VRTN: variants seen among roughly 807,000 people sequenced by gnomAD.
VRTN encodes the protein vertebrae development associated, also known as vertnin.
VRTN carries 5 observed loss-of-function variants against 18.2 expected under a neutral mutation model. The observed-to-expected ratio is 0.27, with a 90% CI of 0.14 to 0.58. VRTN has a LOEUF of 0.58. VRTN is among the 20% of genes least tolerant of loss of function. The probability of loss-of-function intolerance (pLI) is 0.91; values close to 1 mark genes in which losing one functional copy is unlikely to be tolerated. For missense variants in VRTN, 741 were observed against 939.4 expected, an observed-to-expected ratio of 0.79 and a Z score of 2.76; for synonymous variants, 381 against 393.7, an observed-to-expected ratio of 0.97 and a Z score of 0.38.
chr14:74,316,579 G>A (rs1283433781), intron 1 of VRTN, among the ~76,000 whole-genome samples: 2 of 151,690 alleles, frequency 1.3e-5, no homozygotes, highest in African/African-American at 4.8e-5. Flanking sequence ...AGATTCTGAG[G>A]GAAGAGCATT....
intron 1 of VRTN, among the ~76,000 whole-genome samples, chr14:74,314,651 C>G (rs1215901274): frequency 6.6e-6 from 1 of 152,098 alleles, no homozygotes; most frequent in Admixed American, 6.6e-5. Flanking sequence ...GATCCGCCTG[C>G]CTCGGCCTCC....
chr14:74,337,470 A>C (rs1313885259), intron 1 of VRTN, among the ~76,000 whole-genome samples: 2 of 152,168 alleles, frequency 1.3e-5, no homozygotes, highest in Non-Finnish European at 2.9e-5. Context: ...GGAGTAAACT[A>C]ACCAAGACCA....
At chr14:74,331,542 T>TTTTA (rs1450614838) in intron 1 of VRTN, among the ~76,000 whole-genome samples, 1 of 64,930 alleles carries the variant, frequency 1.5e-5, no homozygotes, top group Non-Finnish European at 3.5e-5. Context: ...AAAAAAAAAA[T>TTTTA]TTTATATATA....
intron 1 of VRTN, among the ~76,000 whole-genome samples, chr14:74,314,035 A>G (rs2085404315): frequency 6.6e-6 from 1 of 152,242 alleles, no homozygotes; most frequent in Admixed American, 6.5e-5. Flanking sequence ...GTGGAAAGGT[A>G]TAATAAATCT....
intron 1 of VRTN, among the ~76,000 whole-genome samples, chr14:74,330,205 T>C (rs1488917120): frequency 6.6e-6 from 1 of 151,742 alleles, no homozygotes; most frequent in Non-Finnish European, 1.5e-5. Flanking sequence ...TCCCCAGGTG[T>C]TTCCCATGGG....
chr14:74,346,135 T>C (rs1815799170), upstream of VRTN, among the ~76,000 whole-genome samples: 1 of 150,880 alleles, frequency 6.6e-6, no homozygotes, highest in Admixed American at 6.6e-5. Flanking sequence ...ACCCTGTTTC[T>C]ATTAAAAAAA....
chr14:74,342,685 T>C (rs1243654010), intron 2 of VRTN, among the ~76,000 whole-genome samples: 1 of 152,102 alleles, frequency 6.6e-6, no homozygotes, highest in African/African-American at 2.4e-5. Flanking sequence ...TCACCCAGAC[T>C]GGATTGCAGT....
Position 74,357,686 on chromosome 14 carries a change from G to A in VRTN, c.903G>A (p.Arg301=), listed in dbSNP as rs1178226579. Residue 301 remains arginine, a synonymous_variant, in exon 2 of 2, where the codon CGG becomes CGA. Transcript: ENST00000256362. The surrounding 1 kb of genome is among the most constrained non-coding windows in gnomAD (Gnocchi z 7.8). The part of the protein sequence containing the change: ...VTKSTFYRWR[R]QSQEHRQKVA... ...AAAGCACCTTCTACCGCTGGCGGCG[G>A]CAGTCCCAGGAGCACCGGCAGAAGG... 7 of 1,613,420 alleles carry A rather than the reference G, an allele frequency of 4.3e-6. No individual in the cohort carries two copies. Among genetic ancestry groups the A allele is most frequent in the Admixed American group, 3.3e-5 (2 of 59,998 alleles).
chr14:74,357,534 G>A lies in VRTN; in HGVS notation c.751G>A (p.Ala251Thr). The A allele has an allele frequency of 6.2e-7, 1 of 1,613,466 alleles. No homozygotes were observed. Among genetic ancestry groups the A allele is most frequent in the Non-Finnish European group, 8.5e-7 (1 of 1,180,016 alleles). ...VGLEEVEAEG[A>T]PGVAPALPAL... ...GCTGGAAGAGGTGGAGGCTGAAGGT[G>A]CCCCTGGCGTGGCCCCAGCTCTTCC... The change falls in exon 2 of 2, where the codon GCC becomes ACC. Residue 251 changes from alanine to threonine, a missense_variant. Around this residue, in one of 3 missense-constraint regions of VRTN, gnomAD observed 494 missense variants for 546.5 expected, o/e 0.90. Transcript: ENST00000256362. This position sits in a 1 kb window ranked among gnomAD's most constrained non-coding sequence, Gnocchi z 7.8.
intron 1 of VRTN, among the ~76,000 whole-genome samples, chr14:74,331,498 C>T (rs1330249674): frequency 7.4e-6 from 1 of 135,744 alleles, no homozygotes; most frequent in Non-Finnish European, 1.6e-5. Flanking sequence ...CATTGCACTC[C>T]AGCCTGGGCA....
upstream of VRTN, chr14:74,303,017 A>G (rs1039681439): frequency 3.5e-5 from 43 of 1,240,444 alleles, no homozygotes; most frequent in South Asian, 5.7e-4. Flanking sequence ...GGCGTTTGAT[A>G]GAGAGGAAGG....
At chr14:74,356,716 C>A in intron 1 of VRTN, 67 bp from the exon 2 acceptor site, 1 of 1,506,076 alleles carries the variant, frequency 6.6e-7, no homozygotes, top group South Asian at 1.3e-5. Context: ...GTGGACAGGG[C>A]ACCTTTGCTA....
intron 1 of VRTN, among the ~76,000 whole-genome samples, chr14:74,327,533 C>T (rs943234959): frequency 2.0e-5 from 3 of 152,154 alleles, no homozygotes; most frequent in Middle Eastern, 6.8e-3. Flanking sequence ...TTCAAATTCC[C>T]GTAGAGCAGG....
chr14:74,335,166 A>G (rs887836787), intron 1 of VRTN, among the ~76,000 whole-genome samples: 3 of 152,090 alleles, frequency 2.0e-5, no homozygotes, highest in African/African-American at 7.3e-5. Context: ...CTGCAATCCC[A>G]GTTACTAGGG....
intron 1 of VRTN, among the ~76,000 whole-genome samples, chr14:74,323,448 G>A (rs1028037187): frequency 1.3e-5 from 2 of 151,974 alleles, no homozygotes; most frequent in Non-Finnish European, 2.9e-5. Flanking sequence ...GCTGGGCGTG[G>A]TGGTGGGCGC....
intron 1 of VRTN, among the ~76,000 whole-genome samples, chr14:74,352,720 T>A (rs925707619): frequency 2.0e-5 from 3 of 152,130 alleles, no homozygotes; most frequent in Admixed American, 6.5e-5. Context: ...GCCTTAAGCG[T>A]ACAGTTTGAT....
chr14:74,331,524 C>A (rs1322842086), intron 1 of VRTN, among the ~76,000 whole-genome samples: 4 of 95,804 alleles, frequency 4.2e-5, no homozygotes, highest in Admixed American at 1.3e-4. Context: ...AGCAAAACTC[C>A]ATCTCAAAAA....
rs755512521 is a variant in VRTN, at chr14:74,356,861, T to TCTCATAGGTGCTTCCTTGGAGGCC, written c.79_102dup (p.Leu27_Ala34dup). On this transcript the variant is annotated inframe_insertion, in exon 2 of 2. Coordinates refer to ENST00000256362, the MANE Select transcript of VRTN (RefSeq NM_018228.3). ...CAGTGGAGTGCGAAGGCCTGGAGGG[T>TCTCATAGGTGCTTCCTTGGAGGCC]CTCATAGGTGCTTCCTTGGAGGCCA... The TCTCATAGGTGCTTCCTTGGAGGCC allele has an allele frequency of 1.2e-6, 2 of 1,613,394 alleles. No homozygotes were observed. The highest frequency in any genetic ancestry group is 1.7e-6 in the Non-Finnish European group (2 of 1,179,876).
chr14:74,343,903 C>G (rs2085624568), upstream of VRTN, among the ~76,000 whole-genome samples: 1 of 151,832 alleles, frequency 6.6e-6, no homozygotes, highest in African/African-American at 2.4e-5. Flanking sequence ...TCAAGTGATT[C>G]TCCTGTCTCA....
Sources: allele counts gnomAD v4.1 joint callset (sites outside exome capture counted in the v4.1 genomes callset), GRCh38; gene constraint gnomAD v4.1.1; regional missense constraint gnomAD v4.1.1; non-coding constraint Gnocchi (gnomAD v3.1); transcripts MANE v1.5; gene names NCBI Gene and HGNC (gene_info 2026-07-23, HGNC 2026-07-21).